ADGRL3: variants seen among roughly 807,000 people sequenced by gnomAD.
ADGRL3 encodes adhesion G protein-coupled receptor L3.
Under a neutral mutation model 153.5 loss-of-function variants are expected in ADGRL3, and 62 were observed. The ratio of observed to expected loss-of-function variants is 0.40; its 90% CI spans 0.33 to 0.50. The LOEUF is 0.50. Ranked by LOEUF, ADGRL3 falls within the 20% of genes least tolerant of loss-of-function variation. ADGRL3 has a pLI of 0.47. For missense variants in ADGRL3, 1,641 were observed against 1,859.4 expected, an observed-to-expected ratio of 0.88 and a Z score of 2.16; for synonymous variants, 710 against 672.5, an observed-to-expected ratio of 1.06 and a Z score of -0.86.
At chr4:61,302,593 G>C (rs1336948258) in intron 1 of ADGRL3, among the ~76,000 whole-genome samples, 1 of 151,796 alleles carries the variant, frequency 6.6e-6, no homozygotes, top group Non-Finnish European at 1.5e-5. Flanking sequence ...CTAAAGTTTT[G>C]TGATATTTTG....
At chr4:61,598,591 G>C (rs2098998726) in intron 5 of ADGRL3, among the ~76,000 whole-genome samples, 1 of 152,110 alleles carries the variant, frequency 6.6e-6, no homozygotes, top group Admixed American at 6.6e-5. Flanking sequence ...AATATCCTTA[G>C]AGTGGCACTT....
At chr4:61,545,394 C>T (rs1161115366) in intron 4 of ADGRL3, among the ~76,000 whole-genome samples, 1 of 152,170 alleles carries the variant, frequency 6.6e-6, no homozygotes, top group African/African-American at 2.4e-5. Context: ...CCTAATGAAA[C>T]CCTAGAGACA....
At chr4:61,463,868 G>A (rs1471582764) in intron 2 of ADGRL3, among the ~76,000 whole-genome samples, 1 of 152,146 alleles carries the variant, frequency 6.6e-6, no homozygotes, top group East Asian at 1.9e-4. Flanking sequence ...CATACACAGT[G>A]AATGGAAGTA....
chr4:62,070,258 G>T lies in ADGRL3; in HGVS notation c.3982G>T (p.Ala1328Ser). 1 of 1,607,218 alleles carries T rather than the reference G, an allele frequency of 6.2e-7. No homozygotes were observed. The highest frequency in any genetic ancestry group is 8.5e-7 in the Non-Finnish European group (1 of 1,176,242). The change falls in exon 27 of 27, where the codon GCC becomes TCC. Residue 1328 changes from alanine (A) to serine (S), a missense_variant. By Grantham distance (99) the Ala-to-Ser change is moderately conservative (BLOSUM62 1). This residue lies in a region of ADGRL3 where 517 missense variants were observed against 555.0 expected (regional missense o/e 0.93). Transcript: ENST00000683033. ...IDRGYNHNET[A>S]LEKKILKELT... The stretch of plus-strand genomic sequence containing the variant: ...CCGTGGCTATAACCATAACGAGACC[G>T]CCCTAGAGAAAAAGATTCTGAAGGA...
chr4:61,845,410 G>T (rs563847469), intron 9 of ADGRL3, among the ~76,000 whole-genome samples: 121 of 152,032 alleles, frequency 8.0e-4, no homozygotes, highest in African/African-American at 2.6e-3. Context: ...GAGTACAGTG[G>T]CATGATCATG....
chr4:61,240,868 G>A (rs1170392760), intron 1 of ADGRL3, among the ~76,000 whole-genome samples: 1 of 152,002 alleles, frequency 6.6e-6, no homozygotes, highest in African/African-American at 2.4e-5. Flanking sequence ...CATAGGACAT[G>A]CTTGATAAAT....
chr4:61,330,454 T>A (rs1445585310), intron 1 of ADGRL3, among the ~76,000 whole-genome samples: 5 of 152,270 alleles, frequency 3.3e-5, no homozygotes, highest in Admixed American at 3.3e-4. Flanking sequence ...TCCTGGTTCT[T>A]AGGCCTTTGG....
intron 1 of ADGRL3, among the ~76,000 whole-genome samples, chr4:61,380,280 G>A (rs2096652027): frequency 6.6e-6 from 1 of 151,924 alleles, no homozygotes; most frequent in South Asian, 2.1e-4. Context: ...GCAGAGGTTA[G>A]CTCTGTGAGT....
At chr4:62,027,068 G>T (rs763853961) in intron 21 of ADGRL3, among the ~76,000 whole-genome samples, 7 of 151,852 alleles carry the variant, frequency 4.6e-5, no homozygotes, top group Non-Finnish European at 8.8e-5. Flanking sequence ...AGAATTATTC[G>T]AATCGTGAAC....
chr4:61,867,871 T>C (rs948740100), intron 9 of ADGRL3, among the ~76,000 whole-genome samples: 1 of 152,020 alleles, frequency 6.6e-6, no homozygotes, highest in African/African-American at 2.4e-5. Flanking sequence ...TTTATAAATA[T>C]GTGGATTTTT....
In ADGRL3 at chr4:61,264,663, T is replaced by C. The variant is rs148786447; in HGVS notation, c.-240+62898T>C. Among the ~76,000 whole-genome samples the C allele has an allele frequency of 4.4e-4, 67 of 152,006 alleles. 1 individual carries two copies. In the East Asian group the frequency reaches 0.01, roughly 24 times the overall value. ...GGTAAATACTGTGCTTGGAAGACAG[T>C]AGGAAACTCTATCAAACGTGCCCTT... On this transcript the variant is annotated intron_variant, in intron 1 of 26. Transcript: ENST00000683033.
At position 61,202,932 on chromosome 4, in the gene ADGRL3, G is replaced by A. The variant is rs1174676721; in HGVS notation, c.-240+1167G>A. On this transcript the variant is annotated intron_variant, in intron 1 of 26. Transcript: ENST00000683033. This position sits in a 1 kb window ranked among gnomAD's most constrained non-coding sequence, Gnocchi z 5.0. ...GGAGCTGAGCTTGCTTATTGAAATC[G>A]CCTGGGATCCTCTTAACTGGAAAAT... Among the ~76,000 whole-genome samples, 1 of 152,158 alleles carries A rather than the reference G, an allele frequency of 6.6e-6. No individual in the cohort carries two copies. The highest frequency in any genetic ancestry group is 1.5e-5 in the Non-Finnish European group (1 of 68,034).
At chr4:61,900,823 T>A (rs1256827875) in intron 11 of ADGRL3, among the ~76,000 whole-genome samples, 4 of 152,288 alleles carry the variant, frequency 2.6e-5, no homozygotes, top group African/African-American at 9.6e-5. Context: ...GTCTCCAAAT[T>A]AATGTTCTTA....
At chr4:61,698,044 C>A (rs2095673314) in intron 6 of ADGRL3, among the ~76,000 whole-genome samples, 1 of 152,144 alleles carries the variant, frequency 6.6e-6, no homozygotes. Flanking sequence ...GAGAATGTAA[C>A]TCATTCTCTG....
intron 9 of ADGRL3, among the ~76,000 whole-genome samples, chr4:61,869,237 C>A (rs1217602504): frequency 6.6e-6 from 1 of 152,164 alleles, no homozygotes; most frequent in Non-Finnish European, 1.5e-5. Context: ...AGCCACCATG[C>A]CCAGCCCATT....
intron 9 of ADGRL3, among the ~76,000 whole-genome samples, chr4:61,883,802 G>A (rs1002985542): frequency 6.6e-6 from 1 of 152,026 alleles, no homozygotes; most frequent in Non-Finnish European, 1.5e-5. Context: ...AATTGATGAT[G>A]TTGTAGCGTC....
intron 9 of ADGRL3, among the ~76,000 whole-genome samples, chr4:61,882,524 G>A (rs1034732220): frequency 2.0e-5 from 3 of 151,950 alleles, no homozygotes; most frequent in Non-Finnish European, 4.4e-5. Context: ...TCATTTCTTT[G>A]CTGAAAGCCT....
chr4:61,743,708 TTAAGAA>T (rs1050984088), intron 8 of ADGRL3, among the ~76,000 whole-genome samples: 2 of 151,936 alleles, frequency 1.3e-5, no homozygotes, highest in African/African-American at 4.8e-5. Flanking sequence ...ATTGAAAGAA[TTAAGAA>T]AAAGACAGGG....
chr4:61,677,464 G>T (rs1182299481), intron 6 of ADGRL3: 4 of 286,440 alleles, frequency 1.4e-5, no homozygotes, highest in South Asian at 9.8e-5. Context: ...ACAGCTTCAA[G>T]AAGTATGTCT....
Sources: allele counts gnomAD v4.1 joint callset (sites outside exome capture counted in the v4.1 genomes callset), GRCh38; gene constraint gnomAD v4.1.1; regional missense constraint gnomAD v4.1.1; non-coding constraint Gnocchi (gnomAD v3.1); transcripts MANE v1.5; gene names NCBI Gene and HGNC (gene_info 2026-07-23, HGNC 2026-07-21).